The following DLGAP2 variants were observed in gnomAD, a reference collection of about 807,000 sequenced individuals.
DLGAP2 encodes disks large-associated protein 2.
Under a neutral mutation model 100.3 loss-of-function variants are expected in DLGAP2, and 26 were observed. The observed-to-expected ratio is 0.26, with a 90% CI of 0.19 to 0.36. DLGAP2 has a LOEUF of 0.36. Among genes scored for constraint, DLGAP2 ranks in the 10% least tolerant of loss-of-function variants. The pLI, the probability that DLGAP2 is intolerant of heterozygous loss-of-function variation, is 1.00. For synonymous variants in DLGAP2, 886 were observed against 630.1 expected (o/e 1.41, Z -6.08); for missense variants, 1,858 against 1,453.2 (o/e 1.28, Z -4.53).
chr8:1,647,289 A>T (rs966054101), intron 8 of DLGAP2, among the ~76,000 whole-genome samples: 3 of 151,938 alleles, frequency 2.0e-5, no homozygotes, highest in Admixed American at 6.6e-5. Context: ...GTGTGTCTTT[A>T]TCCTGGCTAA....
intron 6 of DLGAP2, among the ~76,000 whole-genome samples, chr8:1,582,930 GGGCTGCATGTCTCGGTTTTGGTGGT>G: frequency 6.6e-6 from 1 of 152,254 alleles, no homozygotes; most frequent in African/African-American, 2.4e-5. Context: ...GTGAGAGGGA[GGGCTGCATGTCTCGGTTTTGGTGGT>G]GGCTGCATGA....
intron 3 of DLGAP2, among the ~76,000 whole-genome samples, chr8:1,321,929 G>T (rs1290420254): frequency 6.6e-6 from 1 of 152,166 alleles, no homozygotes; most frequent in African/African-American, 2.4e-5. Flanking sequence ...AACTGATTCA[G>T]TAAATACAGG....
chr8:1,366,942 A>G (rs1450836088), intron 3 of DLGAP2, among the ~76,000 whole-genome samples: 2 of 152,114 alleles, frequency 1.3e-5, no homozygotes, highest in African/African-American at 4.8e-5. Context: ...CACTGTTAGC[A>G]TTTACATGGC....
At chr8:1,288,630 T>A (rs1317812876) in intron 3 of DLGAP2, among the ~76,000 whole-genome samples, 1 of 144,766 alleles carries the variant, frequency 6.9e-6, no homozygotes, top group Non-Finnish European at 1.5e-5. Context: ...ACTAGTTTCA[T>A]TTCAGTGTGT....
intron 2 of DLGAP2, among the ~76,000 whole-genome samples, chr8:1,167,926 A>G (rs923940269): frequency 2.0e-5 from 3 of 151,918 alleles, no homozygotes; most frequent in Non-Finnish European, 4.4e-5. Context: ...ACATGTGCAC[A>G]ATGTGTAGGC....
chr8:1,022,204 C>G (rs1435512691), intron 2 of DLGAP2, among the ~76,000 whole-genome samples: 1 of 151,922 alleles, frequency 6.6e-6, no homozygotes, highest in African/African-American at 2.4e-5. Flanking sequence ...CACCACCCAC[C>G]CTCCCTGGGA....
At chr8:1,008,869 G>T (rs150174590) in intron 2 of DLGAP2, among the ~76,000 whole-genome samples, 5 of 152,232 alleles carry the variant, frequency 3.3e-5, no homozygotes, top group Admixed American at 3.3e-4. Context: ...AGGCAGCTCC[G>T]AACATGGGTG....
chr8:884,432 GTCT>G (rs887706044), intron 1 of DLGAP2, among the ~76,000 whole-genome samples: 1 of 151,550 alleles, frequency 6.6e-6, no homozygotes, highest in Non-Finnish European at 1.5e-5. Flanking sequence ...CTGTGTAAAT[GTCT>G]TCTTTTGAGA....
intron 2 of DLGAP2, among the ~76,000 whole-genome samples, chr8:962,727 A>G (rs890463357): frequency 2.0e-5 from 3 of 152,144 alleles, no homozygotes; most frequent in South Asian, 2.1e-4. Flanking sequence ...ATGATGTGCT[A>G]TGACTCCACA....
intron 7 of DLGAP2, among the ~76,000 whole-genome samples, chr8:1,630,216 G>A (rs779306999): frequency 8.5e-5 from 13 of 152,078 alleles, no homozygotes; most frequent in African/African-American, 2.9e-4. Context: ...AGAAACAAAC[G>A]TAGTAGGTGA....
intron 2 of DLGAP2, among the ~76,000 whole-genome samples, chr8:1,065,157 CT>C (rs1213090206): frequency 6.6e-6 from 1 of 152,196 alleles, no homozygotes; most frequent in African/African-American, 2.4e-5. Flanking sequence ...TTATTCACCC[CT>C]GAGCTTCTGT....
intron 3 of DLGAP2, among the ~76,000 whole-genome samples, chr8:1,322,275 A>G (rs185746359): frequency 7.2e-5 from 11 of 152,388 alleles, no homozygotes; most frequent in Admixed American, 5.9e-4. Context: ...AATTTTAGTT[A>G]AAAGCCAAGC....
At position 1,477,799 on chromosome 8, in the gene DLGAP2, GA is replaced by G. The variant is rs11394185; in HGVS notation, c.107-23556del. On this transcript the variant is annotated intron_variant, in intron 3 of 14. Transcript: ENST00000637795. ...CCTAGAATAATTGAAAGGTGAGAAA[GA>G]AAAAAAAAAAGGTGCCTAATGAAAT... is the stretch of plus-strand genomic sequence containing the variant. Among the ~76,000 whole-genome samples, 751 of 148,382 alleles carry G rather than the reference GA, an allele frequency of 5.1e-3. 6 individuals carry two copies. The highest frequency in any genetic ancestry group is 7.0e-3 in the Middle Eastern group (2 of 284).
At chr8:1,411,628 G>T (rs1002143847) in intron 3 of DLGAP2, among the ~76,000 whole-genome samples, 2 of 152,154 alleles carry the variant, frequency 1.3e-5, no homozygotes, top group Non-Finnish European at 2.9e-5. Flanking sequence ...CTCCTGGCCT[G>T]GTTTATCCTC....
At chr8:1,099,186 T>C (rs1263700828) in intron 2 of DLGAP2, among the ~76,000 whole-genome samples, 1 of 152,218 alleles carries the variant, frequency 6.6e-6, no homozygotes, top group East Asian at 1.9e-4. Context: ...TGGTTTTACC[T>C]GGCTGTGCTC....
intron 1 of DLGAP2, among the ~76,000 whole-genome samples, chr8:891,977 C>T (rs757117872): frequency 5.9e-5 from 9 of 152,338 alleles, no homozygotes; most frequent in Admixed American, 3.3e-4. Flanking sequence ...TAACACTGCA[C>T]GTAAGTGTGC....
chr8:1,426,916 G>C (rs1273959728), intron 3 of DLGAP2, among the ~76,000 whole-genome samples: 1 of 151,952 alleles, frequency 6.6e-6, no homozygotes, highest in Non-Finnish European at 1.5e-5. Flanking sequence ...AACAACAGAA[G>C]ATACAGGATA....
intron 1 of DLGAP2, among the ~76,000 whole-genome samples, chr8:860,625 A>G (rs1273328158): frequency 6.6e-6 from 1 of 152,238 alleles, no homozygotes; most frequent in Non-Finnish European, 1.5e-5. Context: ...CTAACCTGTC[A>G]TCCTGGACTT....
chr8:900,117 A>T (rs2128997196), intron 1 of DLGAP2, among the ~76,000 whole-genome samples: 1 of 152,190 alleles, frequency 6.6e-6, no homozygotes, highest in Non-Finnish European at 1.5e-5. Flanking sequence ...CCTCCTCTTC[A>T]CGGCGTCGCT....
Sources: gnomAD v4.1 joint callset for allele counts (sites outside exome capture counted in the v4.1 genomes callset) on GRCh38, gnomAD v4.1.1 for gene constraint, MANE v1.5 for transcripts, NCBI Gene and HGNC (gene_info 2026-07-23, HGNC 2026-07-21) for gene names.